PIP5KL1: variants seen among roughly 807,000 people sequenced by gnomAD.
The protein encoded by PIP5KL1 is phosphatidylinositol 4-phosphate 5-kinase-like protein 1.
In PIP5KL1, 45 loss-of-function variants were observed where a neutral mutation model predicts 47.6. That is an observed-to-expected ratio of 0.94 (90% confidence interval 0.74 to 1.21). PIP5KL1 has a LOEUF of 1.21. PIP5KL1 is among the 50% of genes most tolerant of loss of function. The pLI is 0.00. For synonymous variants in PIP5KL1, 256 were observed against 234.6 expected (o/e 1.09, Z -0.84); for missense variants, 577 against 547.6 (o/e 1.05, Z -0.54).
chr9:127,929,665 C>T lies in PIP5KL1; in HGVS notation c.228+23G>A, dbSNP rs1831410579. ...TCTTGCCATTGCTGGTGTGGAGATTCGTGGGACAGATGGGCCACTCACCGT... is the reference window on the plus strand; with the variant it reads ...TCTTGCCATTGCTGGTGTGGAGATTTGTGGGACAGATGGGCCACTCACCGT... On this transcript the variant is annotated intron_variant, in intron 2 of 9. Transcript: ENST00000388747. This position sits in a 1 kb window ranked among gnomAD's most constrained non-coding sequence, Gnocchi z 4.0. 3.9e-6 allele frequency: 6 copies of T among 1,527,974 alleles called. No individual in the cohort carries two copies. Among genetic ancestry groups the T allele is most frequent in the East Asian group, 2.4e-5 (1 of 41,614 alleles). The allele number at this position is 1,527,974 out of a possible 1,614,324, so 94.7% of individuals were successfully genotyped here. A position where few individuals can be genotyped will look rare whatever the true frequency, so the allele number is the denominator to read the frequency against.
In PIP5KL1 at chr9:127,928,150, C is replaced by T; in HGVS notation, c.349G>A (p.Glu117Lys). ...GGGCCCAGGGCAGCCTGATAGTCCT[C>T]CTCCGCCAGGCCCAGGGAGCGGCGC... ...WLRRSLGLAE[E>K]DYQAALGPGG... The change falls in exon 4 of 10, where the codon GAG (glutamate) becomes AAG (lysine). Residue 117 changes from glutamate (E) to lysine (K), a missense_variant. Coordinates refer to ENST00000388747, the MANE Select transcript of PIP5KL1 (RefSeq NM_001135219.2). 1.9e-6 allele frequency: 3 copies of T among 1,543,804 alleles called. No homozygotes were observed. The highest frequency in any genetic ancestry group is 1.7e-6 in the Non-Finnish European group (2 of 1,145,330).
rs564647446 is a variant in PIP5KL1, at chr9:127,924,887, C to T, written c.917+220G>A. Among the ~76,000 whole-genome samples the T allele has an allele frequency of 1.4e-4, 21 of 152,170 alleles. No homozygotes were observed. In the East Asian group the frequency reaches 3.1e-3, roughly 22 times the overall value. On this transcript the variant is annotated intron_variant, in intron 9 of 9. Coordinates refer to ENST00000388747, the MANE Select transcript of PIP5KL1 (RefSeq NM_001135219.2). ...GCCCTCCCCTCTACACACACACACACGCACACATGCACACCCACACACATG... is the reference window on the plus strand; with the variant it reads ...GCCCTCCCCTCTACACACACACACATGCACACATGCACACCCACACACATG...
chr9:127,927,236 G>A lies in PIP5KL1; in HGVS notation c.595-28C>T, dbSNP rs752242725. 1.2e-6 allele frequency: 2 copies of A among 1,612,308 alleles called. No individual in the cohort carries two copies. The highest frequency in any genetic ancestry group is 2.2e-5 in the South Asian group (2 of 90,874). On this transcript the variant is annotated intron_variant, in intron 6 of 9. Transcript: ENST00000388747. The surrounding 1 kb of genome is among the most constrained non-coding windows in gnomAD (Gnocchi z 5.5). ...GGGGGCCGGGACAGGGAGTGAGGGA[G>A]GCCGGCTGTCGCCCTCCAGCCGCCC...
At chr9:127,930,004 C>A (rs1831415476) in intron 1 of PIP5KL1, 119 bp from the exon 2 acceptor site, 2 of 1,006,372 alleles carry the variant, frequency 2.0e-6, no homozygotes, top group Non-Finnish European at 2.8e-6. Context: ...GCCTCAATTT[C>A]TTCAGCTGTA....
rs1487968655 is a variant in PIP5KL1 at position 127,927,787 on chromosome 9, A to G, written c.435-15T>C. 1.3e-6 allele frequency: 2 copies of G among 1,557,186 alleles called. No homozygotes were observed. The highest frequency in any genetic ancestry group is 1.2e-5 in the South Asian group (1 of 84,534). ...GCTGGTCGTGGCTGGGGGGCAAGAG[A>G]AAGAGGTCACTGCCCAGGCCTGGCT... On this transcript the variant is annotated splice_polypyrimidine_tract_variant and intron_variant, in intron 4 of 9. Coordinates refer to ENST00000388747, the MANE Select transcript of PIP5KL1 (RefSeq NM_001135219.2). This position sits in a 1 kb window ranked among gnomAD's most constrained non-coding sequence, Gnocchi z 5.5.
Position 127,925,236 on chromosome 9 carries a change from C to A in PIP5KL1, c.788G>T (p.Arg263Leu). 6.2e-7 allele frequency: 1 copy of A among 1,613,540 alleles called. No homozygotes were observed. Among genetic ancestry groups the A allele is most frequent in the Non-Finnish European group, 8.5e-7 (1 of 1,180,016 alleles). The change falls in exon 9 of 10, where the codon CGC becomes CTC. Residue 263 changes from arginine to leucine, a missense_variant. Transcript: ENST00000388747. ...GAAGGTGGTATCCAGTTCCATCTGG[C>A]GGAGGAACCAGCTCCGCTGGGGCCC... ...NLGPQRSWFL[R>L]QMELDTTFLR...
chr9:127,924,427 G>A (rs966191510), intron 9 of PIP5KL1, among the ~76,000 whole-genome samples: 1 of 150,956 alleles, frequency 6.6e-6, no homozygotes, highest in Non-Finnish European at 1.5e-5. Context: ...AGAGGCGGAG[G>A]TTGTAGTGAG....
In PIP5KL1 at chr9:127,929,816, G is replaced by A. The variant is rs1177948705; in HGVS notation, c.100C>T (p.Leu34Phe). 1.9e-6 allele frequency: 3 copies of A among 1,550,662 alleles called. No homozygotes were observed. The highest frequency in any genetic ancestry group is 4.9e-5 in the East Asian group (2 of 41,038). Residue 34 changes from leucine (L) to phenylalanine (F), a missense_variant, in exon 2 of 10, where the codon CTC (leucine) becomes TTC (phenylalanine). Leu to Phe is a conservative substitution (Grantham distance 22). Transcript: ENST00000388747. The surrounding 1 kb of genome is among the most constrained non-coding windows in gnomAD (Gnocchi z 4.0). ...TSSRRGLLWR[L>F]RDKQSRLGLF... is the part of the protein sequence containing the mutation. The stretch of plus-strand genomic sequence containing the variant: ...CCCAGGCGAGACTGCTTGTCTCGGA[G>A]GCGCCAGAGAAGCCCCCGCCGGCTG...
chr9:127,926,613 G>A (rs1215295734), intron 7 of PIP5KL1, among the ~76,000 whole-genome samples: 1 of 152,262 alleles, frequency 6.6e-6, no homozygotes, highest in Non-Finnish European at 1.5e-5. Flanking sequence ...AGCAGAGCAG[G>A]CATTCACACT....
Position 127,925,136 on chromosome 9 carries a change from C to G in PIP5KL1, c.888G>C (p.Pro296=). ...CCGTGCGGAAGATGAGGCTGCTGCC[C>G]GGGCCCCTCTCATCCTCGTGGAGAC... ...FQRLHEDERG[P]GSSLIFRTAR... Residue 296 remains proline, a synonymous_variant, in exon 9 of 10, where the codon CCG becomes CCC. Transcript: ENST00000388747. 1 of 1,614,100 alleles carries G rather than the reference C, an allele frequency of 6.2e-7. No individual in the cohort carries two copies. Among genetic ancestry groups the G allele is most frequent in the Non-Finnish European group, 8.5e-7 (1 of 1,180,008 alleles).
chr9:127,925,036 C>A, intron 9 of PIP5KL1, 71 bp downstream of exon 9: 1 of 1,571,454 alleles, frequency 6.4e-7, no homozygotes, highest in Non-Finnish European at 8.7e-7. Flanking sequence ...GGTGCACTCC[C>A]ATGCCCCCAT....
In PIP5KL1 at chr9:127,927,059, G is replaced by A; in HGVS notation, c.650+94C>T. 1 of 1,377,156 alleles carries A rather than the reference G, an allele frequency of 7.3e-7. No homozygotes were observed. The highest frequency in any genetic ancestry group is 2.4e-5 in the East Asian group (1 of 41,592). The allele number at this position is 1,377,156 out of a possible 1,614,324, so 85.3% of individuals were successfully genotyped here. Reference sequence around the variant, plus strand: ...CTTGGGAACGCCCCTTCTCCTTCCTGGGCCTCGGTTTCACCGTCTGGCTAG... The same window carrying A: ...CTTGGGAACGCCCCTTCTCCTTCCTAGGCCTCGGTTTCACCGTCTGGCTAG... On this transcript the variant is annotated intron_variant, in intron 7 of 9. Coordinates refer to ENST00000388747, the MANE Select transcript of PIP5KL1 (RefSeq NM_001135219.2). This position sits in a 1 kb window ranked among gnomAD's most constrained non-coding sequence, Gnocchi z 5.5.
At chr9:127,925,727 G>A in intron 8 of PIP5KL1, 140 bp downstream of exon 8, 1 of 720,322 alleles carries the variant, frequency 1.4e-6, no homozygotes. Context: ...GCCTCCCAAA[G>A]TGCTGGAATT....
Position 127,921,925 on chromosome 9 carries a change from T to G in PIP5KL1, c.1107A>C (p.Pro369=), listed in dbSNP as rs754236159. ...LEHLWKTLRY[P]GRTFSTVSPA... Reference sequence around the variant, plus strand: ...GGCTGACAGTGGAGAAGGTCCGGCCTGGGTAGCGCAGTGTCTTCCACAGGT... The same window carrying G: ...GGCTGACAGTGGAGAAGGTCCGGCCGGGGTAGCGCAGTGTCTTCCACAGGT... Residue 369 remains proline (P), a synonymous_variant, in exon 10 of 10, where the codon CCA becomes CCC. Coordinates refer to ENST00000388747, the MANE Select transcript of PIP5KL1 (RefSeq NM_001135219.2). 1.3e-6 allele frequency: 2 copies of G among 1,578,350 alleles called. No individual in the cohort carries two copies. The highest frequency in any genetic ancestry group is 2.3e-5 in the East Asian group (1 of 42,844).
At chr9:127,924,679 A>G (rs1831334448) in intron 9 of PIP5KL1, among the ~76,000 whole-genome samples, 1 of 151,580 alleles carries the variant, frequency 6.6e-6, no homozygotes, top group Admixed American at 6.6e-5. Flanking sequence ...AAAAGCAAAA[A>G]TGTTAAAAAT....
chr9:127,927,301 T>G lies in PIP5KL1; in HGVS notation c.590A>C (p.Lys197Thr). ...GVHSLRVDRG[K>T]KTYFIVMQSV... ...CCTCGCCTCGGCTTCACCCACCTTCTTTCCCCGGTCCACCCGCAGACTGTG... is the reference window on the plus strand; with the variant it reads ...CCTCGCCTCGGCTTCACCCACCTTCGTTCCCCGGTCCACCCGCAGACTGTG... The change falls in exon 6 of 10, where the codon AAG (lysine) becomes ACG (threonine). Residue 197 changes from lysine (K) to threonine (T), a missense_variant. Coordinates refer to ENST00000388747, the MANE Select transcript of PIP5KL1 (RefSeq NM_001135219.2). The surrounding 1 kb of genome is among the most constrained non-coding windows in gnomAD (Gnocchi z 5.5). 6.2e-7 allele frequency: 1 copy of G among 1,611,122 alleles called. No homozygotes were observed. The highest frequency in any genetic ancestry group is 1.1e-5 in the South Asian group (1 of 90,596).
rs192009068 is a variant in PIP5KL1 at position 127,928,688 on chromosome 9, C to A, written c.229-205G>T. ...GGATGCCAGGGGGACAAGAGTGACC[C>A]ACGGCAAGGCCTGAGTGTATCTCAT... is the stretch of plus-strand genomic sequence containing the variant. On this transcript the variant is annotated intron_variant, in intron 2 of 9. Transcript: ENST00000388747. 6.3e-5 allele frequency: 38 copies of A among 603,860 alleles called. No homozygotes were observed. In the Admixed American group the frequency reaches 8.4e-4, roughly 13 times the overall value. The allele number at this position is 603,860 out of a possible 1,614,324, so 37.4% of individuals were successfully genotyped here.
rs1451976181 is a variant in PIP5KL1 at position 127,928,052 on chromosome 9, G to A, written c.434+13C>T. ...CCACTCCCACCCCTGCCCCACCCCT[G>A]CCGCAAGCTCACGACAGGAAGAAGC... is the stretch of plus-strand genomic sequence containing the variant. On this transcript the variant is annotated intron_variant, in intron 4 of 9. Coordinates refer to ENST00000388747, the MANE Select transcript of PIP5KL1 (RefSeq NM_001135219.2). 2 of 1,538,702 alleles carry A rather than the reference G, an allele frequency of 1.3e-6. No homozygotes were observed. Among genetic ancestry groups the A allele is most frequent in the Non-Finnish European group, 1.7e-6 (2 of 1,144,602 alleles).
chr9:127,930,754 G>GC lies in PIP5KL1; in HGVS notation c.-3dup. 2 of 1,549,562 alleles carry GC rather than the reference G, an allele frequency of 1.3e-6. No homozygotes were observed. The highest frequency in any genetic ancestry group is 1.7e-6 in the Non-Finnish European group (2 of 1,152,028). On this transcript the variant is annotated 5_prime_UTR_variant, in exon 1 of 10. Coordinates refer to ENST00000388747, the MANE Select transcript of PIP5KL1 (RefSeq NM_001135219.2). Reference sequence around the variant, plus strand: ...GGGCCCCGGGCTCGGCGCAGCCATCGCCCCCGCAGCAGCTTCCCGGGCTTT... The same window carrying GC: ...GGGCCCCGGGCTCGGCGCAGCCATCGCCCCCCGCAGCAGCTTCCCGGGCTTT...
Sources: allele counts gnomAD v4.1 joint callset (sites outside exome capture counted in the v4.1 genomes callset), GRCh38; gene constraint gnomAD v4.1.1; non-coding constraint Gnocchi (gnomAD v3.1); transcripts MANE v1.5; gene names NCBI Gene and HGNC (gene_info 2026-07-23, HGNC 2026-07-21).